ADAMTS12: variants seen among roughly 807,000 people sequenced by gnomAD.
ADAMTS12 encodes the protein ADAM metallopeptidase with thrombospondin type 1 motif 12.
In ADAMTS12, 118 loss-of-function variants were observed where a neutral mutation model predicts 167.8. The ratio of observed to expected loss-of-function variants is 0.70; its 90% CI spans 0.61 to 0.82. The LOEUF is 0.82. Ranked by LOEUF, ADAMTS12 falls within the 40% of genes least tolerant of loss-of-function variation. ADAMTS12 has a pLI of 0.00. For missense variants in ADAMTS12, 1,916 were observed against 1,998.8 expected (o/e 0.96, Z 0.79); for synonymous variants, 704 against 716.9 (o/e 0.98, Z 0.29).
At chr5:33,594,249 T>C (rs1747799020) in intron 17 of ADAMTS12, among the ~76,000 whole-genome samples, 2 of 152,228 alleles carry the variant, frequency 1.3e-5, no homozygotes, top group Admixed American at 1.3e-4. Context: ...CTCTTGTCTG[T>C]AGCCACATAA....
chr5:33,605,807 G>C (rs534815858), intron 16 of ADAMTS12, among the ~76,000 whole-genome samples: 2 of 152,042 alleles, frequency 1.3e-5, no homozygotes, highest in African/African-American at 2.4e-5. Context: ...ATATTCATTC[G>C]TTTAATTCTC....
intron 2 of ADAMTS12, among the ~76,000 whole-genome samples, chr5:33,852,424 G>T (rs1374903971): frequency 1.3e-5 from 2 of 152,110 alleles, no homozygotes; most frequent in Admixed American, 6.6e-5. Context: ...GAAATCAAAC[G>T]GGAAAAAACA....
chr5:33,616,698 T>G (rs1739035099), intron 14 of ADAMTS12, among the ~76,000 whole-genome samples: 1 of 152,222 alleles, frequency 6.6e-6, no homozygotes, highest in African/African-American at 2.4e-5. Context: ...TCTTTCTCAT[T>G]TTTTCTTTTA....
intron 1 of ADAMTS12, among the ~76,000 whole-genome samples, chr5:33,890,665 A>G (rs1051612238): frequency 1.3e-5 from 2 of 152,208 alleles, no homozygotes; most frequent in Non-Finnish European, 2.9e-5. Flanking sequence ...GACTTAGTGC[A>G]TGCTAACCCA....
At position 33,888,763 on chromosome 5, in the gene ADAMTS12, G is replaced by A. The variant is rs975126204; in HGVS notation, c.127+2967C>T. ...GGATATGATTGGCTGTAGAAGACAC[G>A]CAGCATGTTGTGTGCAAGATTAATA... On this transcript the variant is annotated intron_variant, in intron 1 of 23. Transcript: ENST00000504830. Among the ~76,000 whole-genome samples the A allele has an allele frequency of 3.3e-5, 5 of 152,172 alleles. No individual in the cohort carries two copies. In the East Asian group the frequency reaches 5.8e-4, roughly 18 times the overall value.
At chr5:33,556,289 C>T (rs967568567) in intron 20 of ADAMTS12, among the ~76,000 whole-genome samples, 6 of 152,144 alleles carry the variant, frequency 3.9e-5, no homozygotes, top group African/African-American at 7.2e-5. Flanking sequence ...CAAGTCAGAC[C>T]CCTCTGGGAT....
chr5:33,738,541 C>CAAAGG lies in ADAMTS12; in HGVS notation c.634+12862_634+12863insCCTTT, dbSNP rs1744447273. On this transcript the variant is annotated intron_variant, in intron 3 of 23. Coordinates refer to ENST00000504830, the MANE Select transcript of ADAMTS12 (RefSeq NM_030955.4). ...GGCTTTCGGCTTTCACCTCTCATGT[C>CAAAGG]ATGGGTCACCTGCCCTATCCTTTGG... Among the ~76,000 whole-genome samples, 82 of 152,362 alleles carry CAAAGG rather than the reference C, an allele frequency of 5.4e-4. 2 individuals are homozygous for CAAAGG. The South Asian group carries it at 0.017, about 31-fold the overall frequency.
chr5:33,542,179 G>A (rs1484662051), intron 22 of ADAMTS12, among the ~76,000 whole-genome samples: 7 of 151,966 alleles, frequency 4.6e-5, no homozygotes, highest in Non-Finnish European at 1.0e-4. Flanking sequence ...AAAAAAGCAG[G>A]GGTTGCAATC....
chr5:33,697,138 T>C lies in ADAMTS12; in HGVS notation c.635-13083A>G, dbSNP rs555350358. Among the ~76,000 whole-genome samples the C allele has an allele frequency of 1.8e-4, 27 of 152,360 alleles. 1 individual carries two copies. The South Asian group carries it at 5.4e-3, about 30-fold the overall frequency. ...CAAAAATGGGATAATGAATTCAATA[T>C]ACTTAAACTGTGATATTTAATTAGG... is the stretch of plus-strand genomic sequence containing the variant. On this transcript the variant is annotated intron_variant, in intron 3 of 23. Transcript: ENST00000504830.
At chr5:33,542,257 T>C (rs1009713684) in intron 22 of ADAMTS12, among the ~76,000 whole-genome samples, 3 of 152,154 alleles carry the variant, frequency 2.0e-5, no homozygotes, top group African/African-American at 7.2e-5. Flanking sequence ...CATTACATAA[T>C]GGTAAAGGGA....
intron 10 of ADAMTS12, among the ~76,000 whole-genome samples, chr5:33,642,471 A>C (rs1740498810): frequency 6.6e-6 from 1 of 152,204 alleles, no homozygotes; most frequent in East Asian, 1.9e-4. Flanking sequence ...TTTCACTGCC[A>C]AAACACACTA....
chr5:33,743,613 C>CGGTG (rs1389866551), intron 3 of ADAMTS12, among the ~76,000 whole-genome samples: 2 of 152,180 alleles, frequency 1.3e-5, no homozygotes, highest in African/African-American at 4.8e-5. Context: ...CCTAATTACC[C>CGGTG]GGTGTCTGGC....
At chr5:33,633,164 C>T (rs1373989801) in intron 12 of ADAMTS12, among the ~76,000 whole-genome samples, 5 of 118,128 alleles carry the variant, frequency 4.2e-5, no homozygotes, top group African/African-American at 1.1e-4. Flanking sequence ...TATGCACTTG[C>T]ATTTTTATAA....
chr5:33,669,932 G>A (rs1741612462), intron 5 of ADAMTS12, among the ~76,000 whole-genome samples: 1 of 151,898 alleles, frequency 6.6e-6, no homozygotes, highest in Admixed American at 6.6e-5. Flanking sequence ...AAAATCTTAG[G>A]AACCTAGGGA....
At chr5:33,668,749 G>T (rs1169418337) in intron 5 of ADAMTS12, among the ~76,000 whole-genome samples, 1 of 152,208 alleles carries the variant, frequency 6.6e-6, no homozygotes, top group East Asian at 1.9e-4. Flanking sequence ...CTCCCAAAGG[G>T]CTGGGATTAC....
intron 2 of ADAMTS12, among the ~76,000 whole-genome samples, chr5:33,822,534 T>C (rs1445908): frequency 0.32 from 49,229 of 152,110 alleles, 8,495 homozygotes; most frequent in Non-Finnish European, 0.36. Context: ...AGTGAACTTA[T>C]AGACATCAAG....
In ADAMTS12 at chr5:33,813,692, G is replaced by A. The variant is rs114000331; in HGVS notation, c.490-62144C>T. On this transcript the variant is annotated intron_variant, in intron 2 of 23. Coordinates refer to ENST00000504830, the MANE Select transcript of ADAMTS12 (RefSeq NM_030955.4). ...AATGCCCATATGGAAAATAATTAAG[G>A]TCTCAGGCTAACAGCTCCAGCTGGA... Among the ~76,000 whole-genome samples, 705 of 152,234 alleles carry A rather than the reference G, an allele frequency of 4.6e-3. 3 individuals are homozygous for A. Among genetic ancestry groups the A allele is most frequent in the African/African-American group, 0.016 (665 of 41,522 alleles).
intron 2 of ADAMTS12, among the ~76,000 whole-genome samples, chr5:33,767,192 T>C (rs1233433054): frequency 6.6e-6 from 1 of 152,198 alleles, no homozygotes; most frequent in Non-Finnish European, 1.5e-5. Context: ...TTCAACATGA[T>C]TCCAACTTTG....
chr5:33,648,527 G>T (rs890928171), intron 9 of ADAMTS12, among the ~76,000 whole-genome samples: 3 of 152,188 alleles, frequency 2.0e-5, no homozygotes, highest in Admixed American at 1.3e-4. Context: ...GGATTAAGTT[G>T]GTTGCTATGG....
Sources: allele counts gnomAD v4.1 joint callset (sites outside exome capture counted in the v4.1 genomes callset), GRCh38; gene constraint gnomAD v4.1.1; transcripts MANE v1.5; gene names NCBI Gene and HGNC (gene_info 2026-07-23, HGNC 2026-07-21).